COL12A1: variants seen among roughly 807,000 people sequenced by gnomAD.
The protein encoded by COL12A1 is collagen alpha-1(XII) chain.
A neutral mutation model predicts 349.7 loss-of-function variants in COL12A1; 114 were observed. The ratio of observed to expected loss-of-function variants is 0.33; its 90% CI spans 0.28 to 0.38. COL12A1 has a LOEUF of 0.38. Ranked by LOEUF, COL12A1 falls within the 10% of genes least tolerant of loss-of-function variation. The probability of loss-of-function intolerance (pLI) is 1.00; values close to 1 mark genes in which losing one functional copy is unlikely to be tolerated. For synonymous variants in COL12A1, 1,369 were observed against 1,329.0 expected, an observed-to-expected ratio of 1.03 and a Z score of -0.66; for missense variants, 3,284 against 3,756.9, an observed-to-expected ratio of 0.87 and a Z score of 3.29.
In COL12A1 at chr6:75,177,778, C is replaced by G; in HGVS notation, c.2322G>C (p.Gln774His). The change falls in exon 12 of 66, where the codon CAG becomes CAC. Residue 774 changes from glutamine (Q) to histidine (H), a missense_variant. Transcript: ENST00000322507. ...TCAAGTTCTCCAGTGTTCTCCTCCT[C>G]TGATTGGGTGGGGTGGTAACTTCTC... The part of the protein sequence containing the change: ...ESREVTTPPN[Q>H]RRRTLENLIP... The G allele has an allele frequency of 6.2e-7, 1 of 1,614,076 alleles. No individual in the cohort carries two copies. Among genetic ancestry groups the G allele is most frequent in the Non-Finnish European group, 8.5e-7 (1 of 1,180,012 alleles).
In COL12A1 at chr6:75,102,622, T is replaced by C. The variant is rs766046177; in HGVS notation, c.8390A>G (p.Asn2797Ser). The C allele has an allele frequency of 1.0e-5, 16 of 1,565,602 alleles. No homozygotes were observed. In the East Asian group the frequency reaches 1.7e-4, roughly 17 times the overall value. Residue 2797 changes from asparagine to serine, a missense_variant, in exon 56 of 66, where the codon AAT (asparagine) becomes AGT (serine). By Grantham distance (46) the Asn-to-Ser change is conservative. This residue lies in a region of COL12A1 where 683 missense variants were observed against 932.1 expected (regional missense o/e 0.73). Coordinates refer to ENST00000322507, the MANE Select transcript of COL12A1 (RefSeq NM_004370.6). ...TTGCTCTCCCGGAATAGAGAGTCCATTGGGTCCCTGAGGGCCTGGAGGACC... is the reference window on the plus strand; with the variant it reads ...TTGCTCTCCCGGAATAGAGAGTCCACTGGGTCCCTGAGGGCCTGGAGGACC... ...PQGPPGPQGP[N>S]GLSIPGEQGR...
chr6:75,128,725 T>C (rs910106304), intron 37 of COL12A1, among the ~76,000 whole-genome samples: 1 of 152,192 alleles, frequency 6.6e-6, no homozygotes, highest in Non-Finnish European at 1.5e-5. Context: ...TCAGAACACC[T>C]TACTGAGTAT....
rs1767480440 is a variant in COL12A1 at position 75,086,218 on chromosome 6, A to G, written c.*329T>C. The G allele has an allele frequency of 6.0e-6, 1 of 166,384 alleles. No individual in the cohort carries two copies. Among genetic ancestry groups the G allele is most frequent in the Non-Finnish European group, 1.3e-5 (1 of 77,214 alleles). 10.3% of individuals were successfully genotyped at this position (166,384 alleles called of 1,614,324 possible). A position where few individuals can be genotyped will look rare whatever the true frequency, so the allele number is the denominator to read the frequency against. On this transcript the variant is annotated 3_prime_UTR_variant, in exon 66 of 66. Coordinates refer to ENST00000322507, the MANE Select transcript of COL12A1 (RefSeq NM_004370.6). ...TTAATTGTTTTTCTTAAAATGGCAT[A>G]GACTCCTCTGGTTAGTAGTTTTATT...
chr6:75,095,254 G>T, intron 59 of COL12A1, 75 bp from the exon 60 acceptor site: 1 of 1,084,006 alleles, frequency 9.2e-7, no homozygotes, highest in Non-Finnish European at 1.4e-6. Context: ...AATACAGCCT[G>T]TTTTAAACGC....
chr6:75,112,577 T>A (rs1448965756), intron 51 of COL12A1, among the ~76,000 whole-genome samples: 2 of 151,668 alleles, frequency 1.3e-5, no homozygotes, highest in African/African-American at 4.8e-5. Flanking sequence ...TGATCAAGAA[T>A]AGACAATCCC....
At chr6:75,184,282 C>A in intron 8 of COL12A1, 138 bp from the exon 9 acceptor site, 1 of 927,424 alleles carries the variant, frequency 1.1e-6, no homozygotes, top group East Asian at 2.7e-5. Flanking sequence ...ATACCCGCCT[C>A]AGTCCCCAAT....
At chr6:75,095,616 T>C in intron 59 of COL12A1, among the ~76,000 whole-genome samples, 1 of 112,582 alleles carries the variant, frequency 8.9e-6, no homozygotes, top group Non-Finnish European at 1.6e-5. Context: ...AGAGCGAGAC[T>C]CCGTCTCAAA....
chr6:75,087,554 T>C, intron 65 of COL12A1, 23 bp downstream of exon 65: 1 of 1,612,224 alleles, frequency 6.2e-7, no homozygotes, highest in Non-Finnish European at 8.5e-7. Flanking sequence ...TGAGTTGGGG[T>C]TCCTACAATG....
rs1352805303 is a variant in COL12A1, at chr6:75,119,489, A to T, written c.7087-16T>A. The T allele has an allele frequency of 1.9e-6, 3 of 1,597,658 alleles. No individual in the cohort carries two copies. The highest frequency in any genetic ancestry group is 3.3e-4 in the Middle Eastern group (2 of 5,972). On this transcript the variant is annotated splice_polypyrimidine_tract_variant and intron_variant, in intron 44 of 65. Coordinates refer to ENST00000322507, the MANE Select transcript of COL12A1 (RefSeq NM_004370.6). ...CAAATGAAACCTGAAGGAAAATGTG[A>T]TTTGGCAGTGAGCATAAGTCATCTC...
chr6:75,133,599 C>T (rs1217402850), intron 33 of COL12A1, among the ~76,000 whole-genome samples, 177 bp from the exon 34 acceptor site: 1 of 152,158 alleles, frequency 6.6e-6, no homozygotes, highest in African/African-American at 2.4e-5. Flanking sequence ...CCCTATACCC[C>T]TCCAGCCATC....
intron 31 of COL12A1, among the ~76,000 whole-genome samples, chr6:75,135,771 T>G (rs1286252353): frequency 2.0e-5 from 3 of 152,168 alleles, no homozygotes; most frequent in Non-Finnish European, 2.9e-5. Flanking sequence ...TGAACTACCG[T>G]GGCTAATTTT....
Position 75,090,435 on chromosome 6 carries a change from C to T in COL12A1, c.8753-137G>A, listed in dbSNP as rs1368092070. On this transcript the variant is annotated intron_variant, in intron 62 of 65. Transcript: ENST00000322507. This position sits in a 1 kb window ranked among gnomAD's most constrained non-coding sequence, Gnocchi z 4.1. ...CTAAGGAAACAATCTAATTAGAATCCTAAAAATAAAATTAAGACAGTCTAA... is the reference window on the plus strand; with the variant it reads ...CTAAGGAAACAATCTAATTAGAATCTTAAAAATAAAATTAAGACAGTCTAA... The T allele has an allele frequency of 1.2e-6, 1 of 827,274 alleles. No individual in the cohort carries two copies. Among genetic ancestry groups the T allele is most frequent in the Non-Finnish European group, 1.8e-6 (1 of 546,202 alleles). The allele number at this position is 827,274 out of a possible 1,614,324, so 51.2% of individuals were successfully genotyped here. A position where few individuals can be genotyped will look rare whatever the true frequency, so the allele number is the denominator to read the frequency against.
At position 75,122,439 on chromosome 6, in the gene COL12A1, G is replaced by C. The variant is rs559603819; in HGVS notation, c.6946+891C>G. ...GGGCATGTGTGGGGAAGGGCAGTCT[G>C]TCTGGGAGATGAAAAATCTCTGCAT... On this transcript the variant is annotated intron_variant, in intron 43 of 65. Coordinates refer to ENST00000322507, the MANE Select transcript of COL12A1 (RefSeq NM_004370.6). Among the ~76,000 whole-genome samples the C allele has an allele frequency of 4.6e-5, 7 of 152,198 alleles. No homozygotes were observed. In the South Asian group the frequency reaches 1.2e-3, roughly 27 times the overall value.
Position 75,151,850 on chromosome 6 carries a change from T to C in COL12A1, c.4000+17A>G, listed in dbSNP as rs1414455507. The C allele has an allele frequency of 1.9e-6, 3 of 1,612,538 alleles. No homozygotes were observed. The South Asian group carries it at 3.3e-5, about 18-fold the overall frequency. ...ATTTGTAACCCCAGGGGCATCACTG[T>C]CCTTTTCAGTGCGTACCAATAGCAA... On this transcript the variant is annotated intron_variant, in intron 20 of 65. Transcript: ENST00000322507.
At chr6:75,205,555 C>G (rs1357635024) in intron 1 of COL12A1, among the ~76,000 whole-genome samples, 1 of 152,098 alleles carries the variant, frequency 6.6e-6, no homozygotes, top group Non-Finnish European at 1.5e-5. Context: ...CCTTGCTCAG[C>G]TCTTAAGAAA....
chr6:75,087,778 C>T, intron 64 of COL12A1, 31 bp from the exon 65 acceptor site: 3 of 1,597,654 alleles, frequency 1.9e-6, no homozygotes, highest in Non-Finnish European at 1.7e-6. Context: ...ATATATTTCC[C>T]CTCTTGTCAA....
intron 2 of COL12A1, among the ~76,000 whole-genome samples, chr6:75,199,210 G>A (rs969561090): frequency 3.3e-5 from 5 of 152,090 alleles, no homozygotes; most frequent in African/African-American, 7.2e-5. Context: ...TAGAAGACTG[G>A]GGTCTTGTCT....
intron 52 of COL12A1, among the ~76,000 whole-genome samples, chr6:75,107,068 A>ATTTTTGT (rs1768604046): frequency 6.6e-6 from 1 of 150,564 alleles, no homozygotes; most frequent in African/African-American, 2.4e-5. Context: ...TGCCCAGCTA[A>ATTTTTGT]TTTTTTTGTA....
chr6:75,189,487 C>G, intron 6 of COL12A1, 65 bp downstream of exon 6: 3 of 1,578,290 alleles, frequency 1.9e-6, no homozygotes, highest in Non-Finnish European at 2.6e-6. Flanking sequence ...ATAGGCAATG[C>G]ATCATTTCTT....
Sources: allele counts gnomAD v4.1 joint callset (sites outside exome capture counted in the v4.1 genomes callset), GRCh38; gene constraint gnomAD v4.1.1; regional missense constraint gnomAD v4.1.1; non-coding constraint Gnocchi (gnomAD v3.1); transcripts MANE v1.5; gene names NCBI Gene and HGNC (gene_info 2026-07-23, HGNC 2026-07-21).